Variants in BCAT2 observed in about 807,000 individuals in gnomAD.
BCAT2 encodes the protein branched-chain-amino-acid aminotransferase, mitochondrial.
In BCAT2, 44 loss-of-function variants were observed where a neutral mutation model predicts 52.9. The ratio of observed to expected loss-of-function variants is 0.83; its 90% CI spans 0.65 to 1.07. The LOEUF (loss-of-function observed/expected upper bound fraction) is 1.07, where lower values mean the gene tolerates loss of function less well. BCAT2 is among the 50% of genes least tolerant of loss of function. BCAT2 has a pLI of 0.00. For synonymous variants in BCAT2, 215 were observed against 217.1 expected, an observed-to-expected ratio of 0.99 and a Z score of 0.08; for missense variants, 478 against 521.8, an observed-to-expected ratio of 0.92 and a Z score of 0.82.
At position 48,797,237 on chromosome 19, in the gene BCAT2, C is replaced by T. The variant is rs759615288; in HGVS notation, c.792G>A (p.Glu264=). 2.5e-6 allele frequency: 4 copies of T among 1,613,938 alleles called. No homozygotes were observed. The Admixed American group carries it at 6.7e-5, about 27-fold the overall frequency. The change falls in exon 7 of 11, where the codon GAG becomes GAA. Residue 264 remains glutamate, a synonymous_variant. Transcript: ENST00000316273. ...WLYGPDHQLT[E]VGTMNIFVYW... ...AGACAAAGATGTTCATGGTTCCCAC[C>T]TCGGTGAGCTGGTGGTCGGGCCCAT...
Position 48,807,360 on chromosome 19 carries a change from G to A in BCAT2, c.25-286C>T, listed in dbSNP as rs521398. ...CAGAGACCTTTGGTCGCAGCCTGGA[G>A]ATCAGCTCAGACAAGAAAACAACCA... On this transcript the variant is annotated intron_variant, in intron 1 of 10. Coordinates refer to ENST00000316273, the MANE Select transcript of BCAT2 (RefSeq NM_001190.4). This position sits in a 1 kb window ranked among gnomAD's most constrained non-coding sequence, Gnocchi z 4.6. 240,412 of 337,908 alleles carry A rather than the reference G, an allele frequency of 0.71. 86,342 individuals carry two copies. The highest frequency in any genetic ancestry group is 0.76 in the Admixed American group (16,290 of 21,468). 20.9% of individuals were successfully genotyped at this position (337,908 alleles called of 1,614,324 possible).
rs760111652 is a variant in BCAT2, at chr19:48,807,107, GT to G, written c.25-34del. 6.3e-7 allele frequency: 1 copy of G among 1,585,382 alleles called. No individual in the cohort carries two copies. The highest frequency in any genetic ancestry group is 1.1e-5 in the South Asian group (1 of 89,012). Reference sequence around the variant, plus strand: ...GAGAAAGAAGTGAGAGAGGGGGTGAGTGGGGCACAGCAGGGGCCCTGGCAGC... The same window carrying G: ...GAGAAAGAAGTGAGAGAGGGGGTGAGGGGGCACAGCAGGGGCCCTGGCAGC... On this transcript the variant is annotated intron_variant, in intron 1 of 10. Coordinates refer to ENST00000316273, the MANE Select transcript of BCAT2 (RefSeq NM_001190.4). This position sits in a 1 kb window ranked among gnomAD's most constrained non-coding sequence, Gnocchi z 4.6.
chr19:48,797,399 G>A lies in BCAT2; in HGVS notation c.696-66C>T, dbSNP rs1463592282. ...CATCCTTCCCCAGCCCAGCCCCAGA[G>A]GAGGCTCATCCTACTCTCTCCCGTC... On this transcript the variant is annotated intron_variant, in intron 6 of 10. Transcript: ENST00000316273. The A allele has an allele frequency of 5.7e-6, 9 of 1,586,374 alleles. No individual in the cohort carries two copies. In the African/African-American group the frequency reaches 8.1e-5, roughly 14 times the overall value.
intron 3 of BCAT2, 116 bp from the exon 4 acceptor site, chr19:48,800,413 G>T: frequency 1.1e-6 from 1 of 900,834 alleles, no homozygotes; most frequent in South Asian, 1.6e-5. Flanking sequence ...TGGAGGCCAA[G>T]AGGAGAGCAC....
chr19:48,804,945 G>C (rs547377512), intron 3 of BCAT2, among the ~76,000 whole-genome samples: 2 of 152,008 alleles, frequency 1.3e-5, no homozygotes, highest in Admixed American at 1.3e-4. Flanking sequence ...GTGTTGCTTA[G>C]ATGTCCAGAG....
intron 10 of BCAT2, chr19:48,795,825 T>C: frequency 3.0e-6 from 1 of 332,864 alleles, no homozygotes; most frequent in Non-Finnish European, 5.6e-6. Flanking sequence ...CCAGAGATTC[T>C]TGGGAAAGAG....
chr19:48,808,324 C>G, intron 1 of BCAT2: 1 of 915,820 alleles, frequency 1.1e-6, no homozygotes. Flanking sequence ...GCCCTCAGAG[C>G]CAAGATGAAA....
At chr19:48,795,557 G>A (rs546997240) in intron 10 of BCAT2, 93 bp from the exon 11 acceptor site, 26 of 1,439,494 alleles carry the variant, frequency 1.8e-5, no homozygotes, top group African/African-American at 4.2e-5. Context: ...CTACGGAGCT[G>A]TGCCCCAGCG....
chr19:48,809,332 A>G (rs1283078931), intron 1 of BCAT2, among the ~76,000 whole-genome samples: 1 of 152,066 alleles, frequency 6.6e-6, no homozygotes, highest in Non-Finnish European at 1.5e-5. Context: ...CTATAATGTG[A>G]TAGAACCTCC....
intron 1 of BCAT2, among the ~76,000 whole-genome samples, chr19:48,809,568 C>G (rs1455076751): frequency 1.3e-5 from 2 of 151,930 alleles, no homozygotes; most frequent in African/African-American, 2.4e-5. Flanking sequence ...CAGGGCTGTT[C>G]TATGATGGCC....
Position 48,800,035 on chromosome 19 carries a change from G to A in BCAT2, c.477C>T (p.Val159=), listed in dbSNP as rs929811487. 15 of 1,613,796 alleles carry A rather than the reference G, an allele frequency of 9.3e-6. No homozygotes were observed. Among genetic ancestry groups the A allele is most frequent in the Non-Finnish European group, 1.3e-5 (15 of 1,179,942 alleles). The change falls in exon 5 of 11, where the codon GTC becomes GTT. Residue 159 remains valine (V), a synonymous_variant. Coordinates refer to ENST00000316273, the MANE Select transcript of BCAT2 (RefSeq NM_001190.4). ...RRLIEVDKDW[V]PDAAGTSLYV... ...AGAGGCTGGTGCCGGCGGCATCGGG[G>A]ACCCAGTCCTTGTCCACTTCGATGA... is the stretch of plus-strand genomic sequence containing the variant.
At chr19:48,808,493 G>A (rs946024802) in intron 1 of BCAT2, among the ~76,000 whole-genome samples, 6 of 151,932 alleles carry the variant, frequency 3.9e-5, no homozygotes, top group African/African-American at 9.7e-5. Flanking sequence ...GCAGTGGCTC[G>A]CGCCTGTAAT....
intron 3 of BCAT2, among the ~76,000 whole-genome samples, chr19:48,800,976 TTTTTGTTTTGTTTTG>T (rs66581317): frequency 2.7e-5 from 4 of 149,598 alleles, no homozygotes; most frequent in Admixed American, 6.7e-5. Context: ...ACAGAGTGTT[TTTTTGTTTTGTTTTG>T]TTTTGTTTTG....
chr19:48,801,608 C>CA (rs2034659386), intron 3 of BCAT2, among the ~76,000 whole-genome samples: 1 of 151,454 alleles, frequency 6.6e-6, no homozygotes, highest in Non-Finnish European at 1.5e-5. Context: ...TAGAAGGAAA[C>CA]AAAAATAACT....
At chr19:48,802,440 C>CCT in intron 3 of BCAT2, among the ~76,000 whole-genome samples, 4 of 123,164 alleles carry the variant, frequency 3.2e-5, no homozygotes, top group African/African-American at 1.4e-4. Flanking sequence ...GTACTGGATT[C>CCT]CTTTTTTTTT....
At position 48,800,312 on chromosome 19, in the gene BCAT2, G is replaced by A. The variant is rs1359749991; in HGVS notation, c.301-15C>T. The A allele has an allele frequency of 6.2e-6, 10 of 1,610,508 alleles. No individual in the cohort carries two copies. Among genetic ancestry groups the A allele is most frequent in the Admixed American group, 1.7e-5 (1 of 59,936 alleles). The stretch of plus-strand genomic sequence containing the variant: ...CCCTCAAACAGCTGCGGGGACACGC[G>A]GGTGGGGAGGCTCAGAGACTTCTCC... On this transcript the variant is annotated splice_polypyrimidine_tract_variant and intron_variant, in intron 3 of 10. Coordinates refer to ENST00000316273, the MANE Select transcript of BCAT2 (RefSeq NM_001190.4).
Position 48,806,643 on chromosome 19 carries a change from C to T in BCAT2, c.174G>A (p.Gly58=). Reference sequence around the variant, plus strand: ...TCAGCATGTGGTCGGTAAATGTCTTCCCAAACACCAGGGGCTCGCCGGGGC... The same window carrying T: ...TCAGCATGTGGTCGGTAAATGTCTTTCCAAACACCAGGGGCTCGCCGGGGC... ...KPGPGEPLVF[G]KTFTDHMLMV... The change falls in exon 3 of 11, where the codon GGG becomes GGA. Residue 58 remains glycine (G), a synonymous_variant. Transcript: ENST00000316273. 1.2e-6 allele frequency: 2 copies of T among 1,614,158 alleles called. 1 individual carries two copies. Among genetic ancestry groups the T allele is most frequent in the Middle Eastern group, 3.3e-4 (2 of 6,062 alleles).
In BCAT2 at chr19:48,795,236, G is replaced by A. The variant is rs1413460785; in HGVS notation, c.*190C>T. 4.4e-6 allele frequency: 3 copies of A among 679,174 alleles called. No individual in the cohort carries two copies. Among genetic ancestry groups the A allele is most frequent in the Non-Finnish European group, 7.6e-6 (3 of 392,958 alleles). 42.1% of individuals were successfully genotyped at this position (679,174 alleles called of 1,614,324 possible). A position where few individuals can be genotyped will look rare whatever the true frequency, so the allele number is the denominator to read the frequency against. On this transcript the variant is annotated 3_prime_UTR_variant, in exon 11 of 11. Transcript: ENST00000316273. ...GACCTGAACCCGCGACGAGGGGCTG[G>A]GGGCCAAGATGCCTGGGTCGGCCCT...
rs1159394438 is a variant in BCAT2 at position 48,800,051 on chromosome 19, A to T, written c.461T>A (p.Val154Glu). 1.2e-6 allele frequency: 2 copies of T among 1,613,858 alleles called. No homozygotes were observed. The highest frequency in any genetic ancestry group is 2.7e-5 in the African/African-American group (2 of 74,916). Residue 154 changes from valine to glutamate, a missense_variant, in exon 5 of 11, where the codon GTG becomes GAG. Transcript: ENST00000316273. The part of the protein sequence containing the change: ...LLECIRRLIE[V>E]DKDWVPDAAG... ...GGCATCGGGGACCCAGTCCTTGTCC[A>T]CTTCGATGAGCCGGCGGATGCACTC...
Sources: gnomAD v4.1 joint callset for allele counts (sites outside exome capture counted in the v4.1 genomes callset) on GRCh38, gnomAD v4.1.1 for gene constraint, Gnocchi (gnomAD v3.1) non-coding constraint, MANE v1.5 for transcripts, NCBI Gene and HGNC (gene_info 2026-07-23, HGNC 2026-07-21) for gene names.